The following PHEX variants were observed in gnomAD, a reference collection of about 807,000 sequenced individuals.
The protein encoded by PHEX is phosphate-regulating neutral endopeptidase PHEX.
In PHEX, 16 loss-of-function variants were observed where a neutral mutation model predicts 68.0. That is an observed-to-expected ratio of 0.24 (90% CI 0.16 to 0.36). The LOEUF is 0.36. PHEX is among the 10% of genes least tolerant of loss of function. PHEX has a pLI of 1.00. For missense variants in PHEX, 480 were observed against 575.5 expected (o/e 0.83, Z 1.70); for synonymous variants, 208 against 205.1 (o/e 1.01, Z -0.12).
intron 11 of PHEX, among the ~76,000 whole-genome samples, chrX:22,124,976 T>C (rs1931652954): frequency 8.9e-6 from 1 of 112,105 alleles, no homozygotes; most frequent in South Asian, 3.7e-4. Flanking sequence ...GTTCTTCTGG[T>C]TTAACCACAT....
chrX:22,129,426 G>A (rs991305006), intron 11 of PHEX, among the ~76,000 whole-genome samples: 3 of 111,697 alleles, frequency 2.7e-5, no homozygotes, highest in Admixed American at 9.5e-5. Context: ...AGCCATGTGC[G>A]AAGAAATATA....
rs186764873 is a variant in PHEX at position 22,128,097 on chromosome X, C to T, written c.1303-5426C>T. Among the ~76,000 whole-genome samples, 1,008 of 111,855 alleles carry T rather than the reference C, an allele frequency of 9.0e-3. 7 individuals carry two copies. The highest frequency in any genetic ancestry group is 0.014 in the Non-Finnish European group (738 of 53,211). The stretch of plus-strand genomic sequence containing the variant: ...ATTTAGAGACGGAATCTTGCTCTGT[C>T]GCCCAGGCTGGAGTGCTGTGGCGCG... On this transcript the variant is annotated intron_variant, in intron 11 of 21. Coordinates refer to ENST00000379374, the MANE Select transcript of PHEX (RefSeq NM_000444.6).
chrX:22,219,030 C>T lies in PHEX; in HGVS notation c.1701-6C>T. ...ATTGTCTCCAAATTATGTATTAATGCCATAGATCTCTGAGTTATGGTGCTA... is the reference window on the plus strand; with the variant it reads ...ATTGTCTCCAAATTATGTATTAATGTCATAGATCTCTGAGTTATGGTGCTA... On this transcript the variant is annotated splice_polypyrimidine_tract_variant and splice_region_variant and intron_variant, in intron 16 of 21. Transcript: ENST00000379374. 1.8e-6 allele frequency: 2 copies of T among 1,126,767 alleles called. No homozygotes were observed. The highest frequency in any genetic ancestry group is 1.8e-5 in the African/African-American group (1 of 56,200). 92.9% of individuals were successfully genotyped at this position (1,126,767 alleles called of 1,213,427 possible).
intron 2 of PHEX, among the ~76,000 whole-genome samples, chrX:22,040,618 CT>C (rs1927230836): frequency 8.9e-6 from 1 of 111,813 alleles, no homozygotes; most frequent in African/African-American, 3.2e-5. Flanking sequence ...GAGGAGGGAA[CT>C]GCTGTGTGAA....
intron 10 of PHEX, among the ~76,000 whole-genome samples, chrX:22,112,911 A>G (rs1279276358): frequency 9.0e-6 from 1 of 111,033 alleles, no homozygotes; most frequent in African/African-American, 3.3e-5. Flanking sequence ...GTCTCAAAAA[A>G]AAGAAAAAAA....
At chrX:22,077,453 T>G (rs1236635353) in intron 4 of PHEX, 23 bp from the exon 5 acceptor site, 4 of 1,170,169 alleles carry the variant, frequency 3.4e-6, no homozygotes, top group Non-Finnish European at 4.7e-6. Flanking sequence ...TCTAACTTTC[T>G]CTTCATATCT....
At chrX:22,236,231 ACT>A (rs1335511647) in intron 20 of PHEX, among the ~76,000 whole-genome samples, 1 of 110,320 alleles carries the variant, frequency 9.1e-6, no homozygotes, top group Non-Finnish European at 1.9e-5. Context: ...TCTTCCATAA[ACT>A]CTTCCCCAAG....
intron 20 of PHEX, among the ~76,000 whole-genome samples, chrX:22,232,513 G>C (rs5904634): frequency 0.37 from 38,038 of 104,181 alleles, 5,771 homozygotes; most frequent in African/African-American, 0.46. Context: ...ACCCCTTTAC[G>C]ATTATGTAAT....
At chrX:22,048,990 G>C (rs1316459292) in intron 3 of PHEX, among the ~76,000 whole-genome samples, 1 of 111,874 alleles carries the variant, frequency 8.9e-6, no homozygotes, top group Non-Finnish European at 1.9e-5. Flanking sequence ...AAAATTAGCT[G>C]ATATTATACA....
intron 5 of PHEX, among the ~76,000 whole-genome samples, chrX:22,089,381 CT>C (rs1569386179): frequency 1.9e-5 from 2 of 107,433 alleles, no homozygotes; most frequent in African/African-American, 6.8e-5. Flanking sequence ...TTTTGTTTAC[CT>C]TTAAGGTGCT....
intron 12 of PHEX, among the ~76,000 whole-genome samples, chrX:22,163,577 A>G (rs949590690): frequency 1.8e-5 from 2 of 111,907 alleles, no homozygotes; most frequent in African/African-American, 3.3e-5. Context: ...AAATGCATGC[A>G]CTGGGTATGG....
intron 12 of PHEX, among the ~76,000 whole-genome samples, chrX:22,143,975 C>T (rs1248486259): frequency 8.1e-5 from 9 of 111,704 alleles, no homozygotes; most frequent in African/African-American, 9.8e-5. Flanking sequence ...TTTTCAGAAC[C>T]TAATGTGGAT....
chrX:22,187,231 T>G (rs948080726), intron 14 of PHEX, among the ~76,000 whole-genome samples: 2 of 111,880 alleles, frequency 1.8e-5, no homozygotes, highest in Non-Finnish European at 3.8e-5. Flanking sequence ...GGGGAGGTTC[T>G]GGGAATAATC....
At chrX:22,137,742 T>C (rs1175772801) in intron 12 of PHEX, among the ~76,000 whole-genome samples, 1 of 111,645 alleles carries the variant, frequency 9.0e-6, no homozygotes, top group Non-Finnish European at 1.9e-5. Context: ...TTTTACCTGG[T>C]GATTCTGCTG....
At chrX:22,045,664 C>A (rs980758647) in intron 2 of PHEX, among the ~76,000 whole-genome samples, 2 of 112,484 alleles carry the variant, frequency 1.8e-5, no homozygotes, top group African/African-American at 6.5e-5. Flanking sequence ...TACACATACT[C>A]AGTTCTACTG....
In PHEX at chrX:22,178,354, A is replaced by G; in HGVS notation, c.1564A>G (p.Arg522Gly). 8.4e-7 allele frequency: 1 copy of G among 1,194,340 alleles called. No individual in the cohort carries two copies. Among genetic ancestry groups the G allele is most frequent in the Non-Finnish European group, 1.1e-6 (1 of 880,961 alleles). ...YLAQSDFFWLRKAVPKTEWFT... is the reference protein window; with the variant it reads ...YLAQSDFFWLGKAVPKTEWFT... ...AGCACAGTCTGATTTCTTCTGGCTA[A>G]GAAAAGCCGTTCCAAAAACAGAGTG... Residue 522 changes from arginine (R) to glycine (G), a missense_variant, in exon 14 of 22, where the codon AGA becomes GGA. Coordinates refer to ENST00000379374, the MANE Select transcript of PHEX (RefSeq NM_000444.6).
chrX:22,159,835 ACT>A (rs1477080798), intron 12 of PHEX, among the ~76,000 whole-genome samples: 3 of 111,599 alleles, frequency 2.7e-5, no homozygotes, highest in African/African-American at 9.8e-5. Context: ...ACTTCTCCCA[ACT>A]CTCTATTTTA....
At chrX:22,246,766 C>G (rs1936403784) in intron 21 of PHEX, among the ~76,000 whole-genome samples, 1 of 111,990 alleles carries the variant, frequency 8.9e-6, no homozygotes, top group Admixed American at 9.5e-5. Context: ...GCTAAAACAA[C>G]AAGAGGTTAT....
intron 15 of PHEX, among the ~76,000 whole-genome samples, chrX:22,201,561 T>C (rs1447127788): frequency 9.0e-6 from 1 of 110,830 alleles, no homozygotes; most frequent in East Asian, 2.8e-4. Flanking sequence ...ACCCCCAGTT[T>C]CTGAAGCCTA....
Sources: allele counts gnomAD v4.1 joint callset (sites outside exome capture counted in the v4.1 genomes callset), GRCh38; gene constraint gnomAD v4.1.1; transcripts MANE v1.5; gene names NCBI Gene and HGNC (gene_info 2026-07-23, HGNC 2026-07-21).